FSTL5: variants seen among roughly 807,000 people sequenced by gnomAD.
FSTL5 encodes the protein follistatin-related protein 5.
A neutral mutation model predicts 89.1 loss-of-function variants in FSTL5; 62 were observed. The observed-to-expected ratio is 0.70, with a 90% CI of 0.57 to 0.86. The LOEUF (loss-of-function observed/expected upper bound fraction) is 0.86. FSTL5 is among the 40% of genes least tolerant of loss of function. FSTL5 has a pLI of 0.00. For synonymous variants in FSTL5, 383 were observed against 346.2 expected, an observed-to-expected ratio of 1.11 and a Z score of -1.18; for missense variants, 1,057 against 1,001.6, an observed-to-expected ratio of 1.06 and a Z score of -0.75.
intron 13 of FSTL5, among the ~76,000 whole-genome samples, chr4:161,460,412 G>T (rs1209861328): frequency 1.6e-5 from 1 of 60,790 alleles, no homozygotes; most frequent in Non-Finnish European, 3.2e-5. Flanking sequence ...CAACAGGCCC[G>T]GGTGTGTGAT....
At chr4:161,819,189 T>A (rs1208789718) in intron 4 of FSTL5, among the ~76,000 whole-genome samples, 2 of 152,072 alleles carry the variant, frequency 1.3e-5, no homozygotes, top group East Asian at 3.8e-4. Context: ...TAATAATAAC[T>A]AAGTTGAAAA....
intron 3 of FSTL5, among the ~76,000 whole-genome samples, chr4:161,979,001 T>A (rs1449936047): frequency 6.6e-6 from 1 of 152,070 alleles, no homozygotes; most frequent in Non-Finnish European, 1.5e-5. Context: ...ATCCATAGGG[T>A]GTAATTTAAA....
At chr4:162,144,364 T>C (rs1251116567) in intron 1 of FSTL5, among the ~76,000 whole-genome samples, 1 of 152,212 alleles carries the variant, frequency 6.6e-6, no homozygotes, top group Non-Finnish European at 1.5e-5. Flanking sequence ...TGCATTTTAA[T>C]GCACTAAGAG....
At chr4:161,982,704 A>G (rs1735858073) in intron 3 of FSTL5, among the ~76,000 whole-genome samples, 1 of 152,214 alleles carries the variant, frequency 6.6e-6, no homozygotes, top group African/African-American at 2.4e-5. Context: ...ATGTATATGC[A>G]CAGCAATTAT....
chr4:162,089,215 T>C (rs1730442379), intron 2 of FSTL5, among the ~76,000 whole-genome samples: 1 of 152,072 alleles, frequency 6.6e-6, no homozygotes, highest in Non-Finnish European at 1.5e-5. Flanking sequence ...TCTAGAAATG[T>C]GAGAAATTTG....
At chr4:161,505,036 G>A (rs1730428963) in intron 11 of FSTL5, among the ~76,000 whole-genome samples, 1 of 151,994 alleles carries the variant, frequency 6.6e-6, no homozygotes, top group African/African-American at 2.4e-5. Flanking sequence ...TAGTGATTTG[G>A]TAGCCAATCA....
At position 161,776,030 on chromosome 4, in the gene FSTL5, G is replaced by A; in HGVS notation, c.454C>T (p.Leu152=). The change falls in exon 5 of 16, where the codon CTA becomes TTA. Residue 152 remains leucine, a synonymous_variant. Transcript: ENST00000306100. ...TATTTTTGATTTTGTAAATCTAATA[G>A]CATATTTTTCATCTTGCTGTATTCA... ...TTEYSKMKNM[L]LDLQNQKYIM... The A allele has an allele frequency of 1.3e-6, 2 of 1,587,816 alleles. No homozygotes were observed. The highest frequency in any genetic ancestry group is 1.7e-6 in the Non-Finnish European group (2 of 1,161,800).
chr4:162,102,786 A>ATAATATT (rs1579029460), intron 2 of FSTL5, among the ~76,000 whole-genome samples: 2 of 147,406 alleles, frequency 1.4e-5, no homozygotes, highest in South Asian at 2.1e-4. Flanking sequence ...ATATATTTAT[A>ATAATATT]TATGGAGTGA....
intron 4 of FSTL5, among the ~76,000 whole-genome samples, chr4:161,879,068 C>T (rs1377619145): frequency 6.6e-6 from 1 of 152,140 alleles, no homozygotes; most frequent in Non-Finnish European, 1.5e-5. Flanking sequence ...CTATGTCTTT[C>T]TTCCTCTCCT....
At chr4:161,994,458 A>C in intron 3 of FSTL5, among the ~76,000 whole-genome samples, 1 of 152,168 alleles carries the variant, frequency 6.6e-6, no homozygotes, top group East Asian at 1.9e-4. Flanking sequence ...AAATCGCCAT[A>C]CTGCTTTCCA....
Position 161,510,230 on chromosome 4 carries a change from A to G in FSTL5, c.1339+168T>C, listed in dbSNP as rs182305867. ...TATTTAATCAAGCTGATGAGAACTG[A>G]TAAATATGTGTAATGGTAGCAGGCT... is the stretch of plus-strand genomic sequence containing the variant. On this transcript the variant is annotated intron_variant, in intron 11 of 15. Coordinates refer to ENST00000306100, the MANE Select transcript of FSTL5 (RefSeq NM_020116.5). 1.1e-4 allele frequency among the ~76,000 whole-genome samples: 16 copies of G among 152,272 alleles called. No individual in the cohort carries two copies. In the East Asian group the frequency reaches 2.3e-3, roughly 22 times the overall value.
chr4:162,033,841 C>T (rs1009665641), intron 2 of FSTL5, among the ~76,000 whole-genome samples, 183 bp from the exon 3 acceptor site: 2 of 152,110 alleles, frequency 1.3e-5, no homozygotes, highest in African/African-American at 4.8e-5. Flanking sequence ...CCCTGTTGCC[C>T]AGGCTGGAGT....
At chr4:161,985,634 T>C (rs1339140828) in intron 3 of FSTL5, among the ~76,000 whole-genome samples, 1 of 151,864 alleles carries the variant, frequency 6.6e-6, no homozygotes, top group African/African-American at 2.4e-5. Flanking sequence ...TGAATACTTA[T>C]ACTTTAATAT....
At chr4:161,471,978 TC>T (rs776202067) in intron 13 of FSTL5, among the ~76,000 whole-genome samples, 10,168 of 86,544 alleles carry the variant, frequency 0.12, 467 homozygotes, top group Middle Eastern at 0.18. Flanking sequence ...ATTTTCTTGA[TC>T]TTTTTTTTTT....
At chr4:161,955,808 A>G (rs1434650710) in intron 3 of FSTL5, among the ~76,000 whole-genome samples, 3 of 151,880 alleles carry the variant, frequency 2.0e-5, no homozygotes, top group Non-Finnish European at 4.4e-5. Flanking sequence ...TTAATTAATA[A>G]TAACTAATGT....
chr4:161,498,086 A>T (rs1730151753), intron 12 of FSTL5, among the ~76,000 whole-genome samples: 1 of 146,764 alleles, frequency 6.8e-6, no homozygotes, highest in South Asian at 2.1e-4. Context: ...ATGTATATAT[A>T]CATATACATA....
Position 161,779,795 on chromosome 4 carries a change from A to ATATATG in FSTL5, c.410-3722_410-3721insCATATA, listed in dbSNP as rs1560840931. The stretch of plus-strand genomic sequence containing the variant: ...TATATGTATATATATATATATATAT[A>ATATATG]TATATATATATATATGTATATATAT... On this transcript the variant is annotated intron_variant, in intron 4 of 15. Transcript: ENST00000306100. Among the ~76,000 whole-genome samples the ATATATG allele has an allele frequency of 1.9e-3, 101 of 52,918 alleles. 1 individual carries two copies. The highest frequency in any genetic ancestry group is 2.7e-3 in the Non-Finnish European group (85 of 32,056). 34.7% of individuals were successfully genotyped at this position (52,918 alleles called of 152,430 possible).
At chr4:161,421,561 C>G (rs59913975) in intron 15 of FSTL5, among the ~76,000 whole-genome samples, 23,716 of 152,034 alleles carry the variant, frequency 0.16, 1,994 homozygotes, top group East Asian at 0.25. Flanking sequence ...ACCTGTGATG[C>G]TTAATTTTAT....
intron 2 of FSTL5, among the ~76,000 whole-genome samples, chr4:162,081,290 G>T (rs1730088177): frequency 6.6e-6 from 1 of 151,478 alleles, no homozygotes; most frequent in Non-Finnish European, 1.5e-5. Context: ...ACAATATAAT[G>T]GATCACAGTG....
Sources: allele counts gnomAD v4.1 joint callset (sites outside exome capture counted in the v4.1 genomes callset), GRCh38; gene constraint gnomAD v4.1.1; transcripts MANE v1.5; gene names NCBI Gene and HGNC (gene_info 2026-07-23, HGNC 2026-07-21).